The following TMEM108 variants were observed in gnomAD, a reference collection of about 807,000 sequenced individuals.
TMEM108 encodes cancer/testis antigen 124.
Under a neutral mutation model 35.1 loss-of-function variants are expected in TMEM108, and 12 were observed. That is an observed-to-expected ratio of 0.34 (90% confidence interval 0.22 to 0.55). The LOEUF is 0.55. Ranked by LOEUF, TMEM108 falls within the 20% of genes least tolerant of loss-of-function variation. The probability of loss-of-function intolerance (pLI) is 0.89; values close to 1 mark genes in which losing one functional copy is unlikely to be tolerated. For missense variants in TMEM108, 680 were observed against 753.3 expected (o/e 0.90, Z 1.14); for synonymous variants, 287 against 308.6 (o/e 0.93, Z 0.73).
intron 2 of TMEM108, among the ~76,000 whole-genome samples, chr3:133,140,171 G>C (rs992725028): frequency 3.6e-4 from 55 of 152,260 alleles, no homozygotes; most frequent in African/African-American, 1.2e-3. Flanking sequence ...GATTTGCCGA[G>C]CTCCTCATTA....
At chr3:133,062,783 A>G (rs1943550715) in intron 2 of TMEM108, among the ~76,000 whole-genome samples, 2 of 152,182 alleles carry the variant, frequency 1.3e-5, no homozygotes, top group African/African-American at 4.8e-5. Flanking sequence ...GTGAGGTTCC[A>G]TATTGTGGCT....
At chr3:133,372,313 C>CT (rs2072699698) in intron 3 of TMEM108, among the ~76,000 whole-genome samples, 2 of 152,166 alleles carry the variant, frequency 1.3e-5, no homozygotes. Context: ...CCTGGTACTG[C>CT]TACATGGTGG....
chr3:133,307,776 C>A (rs2071064160), intron 3 of TMEM108, among the ~76,000 whole-genome samples: 1 of 152,022 alleles, frequency 6.6e-6, no homozygotes, highest in Admixed American at 6.6e-5. Flanking sequence ...TAACTATAGC[C>A]TTGTAGTATA....
chr3:133,262,220 T>C (rs1380155018), intron 3 of TMEM108, among the ~76,000 whole-genome samples: 3 of 152,226 alleles, frequency 2.0e-5, no homozygotes, highest in African/African-American at 7.2e-5. Flanking sequence ...TCACTGGTAT[T>C]TTTTCAAATG....
chr3:133,194,094 A>G (rs1316084838), intron 2 of TMEM108, among the ~76,000 whole-genome samples: 2 of 151,810 alleles, frequency 1.3e-5, no homozygotes, highest in African/African-American at 2.4e-5. Context: ...GTGCCATCAC[A>G]CCCGGCTAAT....
At chr3:133,291,457 T>C (rs1947067266) in intron 3 of TMEM108, among the ~76,000 whole-genome samples, 1 of 152,104 alleles carries the variant, frequency 6.6e-6, no homozygotes, top group Non-Finnish European at 1.5e-5. Flanking sequence ...ATTTTATTTT[T>C]TGTAGAGACA....
At chr3:133,166,878 C>T (rs1361067533) in intron 2 of TMEM108, among the ~76,000 whole-genome samples, 2 of 152,246 alleles carry the variant, frequency 1.3e-5, no homozygotes, top group Non-Finnish European at 2.9e-5. Context: ...TCTGACCCCA[C>T]CCACATCCTG....
chr3:133,058,398 T>C (rs1466993039), intron 2 of TMEM108, among the ~76,000 whole-genome samples: 1 of 152,212 alleles, frequency 6.6e-6, no homozygotes, highest in Non-Finnish European at 1.5e-5. Flanking sequence ...TGCCTCTTGC[T>C]CCTCTTCAAG....
intron 2 of TMEM108, among the ~76,000 whole-genome samples, chr3:133,098,184 G>A (rs1219945071): frequency 2.0e-5 from 3 of 152,214 alleles, no homozygotes; most frequent in African/African-American, 4.8e-5. Flanking sequence ...CAGAAACATG[G>A]TGGGAGGCAA....
intron 3 of TMEM108, among the ~76,000 whole-genome samples, chr3:133,276,299 G>T (rs1576427528): frequency 6.6e-6 from 1 of 152,196 alleles, no homozygotes; most frequent in African/African-American, 2.4e-5. Flanking sequence ...TGTGGGGCCA[G>T]CCAAGGGAGT....
intron 2 of TMEM108, among the ~76,000 whole-genome samples, chr3:133,071,009 T>C (rs1006469372): frequency 7.9e-5 from 12 of 152,146 alleles, no homozygotes; most frequent in Admixed American, 6.6e-4. Context: ...GCTCAGGAAT[T>C]TTTGTTTGTC....
At chr3:133,247,409 G>A (rs1307930703) in intron 3 of TMEM108, 1 of 152,102 alleles carries the variant, frequency 6.6e-6, no homozygotes, top group Non-Finnish European at 1.5e-5. Flanking sequence ...TTTCAAAGTA[G>A]ATAACAGAAT....
chr3:133,227,674 A>ATC (rs1284154657), intron 2 of TMEM108, among the ~76,000 whole-genome samples: 1 of 151,726 alleles, frequency 6.6e-6, no homozygotes, highest in East Asian at 2.0e-4. Context: ...AGATGGGCAG[A>ATC]TCATGAGGTC....
intron 3 of TMEM108, chr3:133,253,526 C>T (rs972151461): frequency 5.9e-5 from 9 of 152,228 alleles, no homozygotes; most frequent in African/African-American, 2.2e-4. Flanking sequence ...TGGGAAAAGC[C>T]CACCAAAGGC....
At chr3:133,078,140 A>AGTGTGTGTGTGTGTGTGTGTGTGTGTGT (rs745912251) in intron 2 of TMEM108, among the ~76,000 whole-genome samples, 4,850 of 105,628 alleles carry the variant, frequency 0.046, 144 homozygotes, top group South Asian at 0.079. Flanking sequence ...TATGGAGCTC[A>AGTGTGTGTGTGTGTGTGTGTGTGTGTGT]GTGTGTGTGT....
At chr3:133,388,861 C>G in intron 4 of TMEM108, 6 of 985,916 alleles carry the variant, frequency 6.1e-6, no homozygotes, top group Non-Finnish European at 7.2e-6. Flanking sequence ...GAACCCACCC[C>G]TGATGCTGGC....
chr3:133,354,321 G>T (rs1282818320), intron 3 of TMEM108, among the ~76,000 whole-genome samples: 1 of 152,102 alleles, frequency 6.6e-6, no homozygotes, highest in African/African-American at 2.4e-5. Context: ...CCTGGCTGGG[G>T]CACATCTGGA....
At chr3:133,107,248 CT>C (rs1487678314) in intron 2 of TMEM108, among the ~76,000 whole-genome samples, 5 of 152,108 alleles carry the variant, frequency 3.3e-5, no homozygotes, top group Non-Finnish European at 7.4e-5. Flanking sequence ...CCTGCTTCAT[CT>C]TTTTTGTTCT....
At chr3:133,093,718 G>C (rs1457846899) in intron 2 of TMEM108, among the ~76,000 whole-genome samples, 2 of 152,208 alleles carry the variant, frequency 1.3e-5, no homozygotes, top group Non-Finnish European at 2.9e-5. Context: ...TGGGGACGGA[G>C]ATGGACAGAA....
Sources: allele counts gnomAD v4.1 joint callset (sites outside exome capture counted in the v4.1 genomes callset), GRCh38; gene constraint gnomAD v4.1.1; transcripts MANE v1.5; gene names NCBI Gene and HGNC (gene_info 2026-07-23, HGNC 2026-07-21).